DCST2: variants seen among roughly 807,000 people sequenced by gnomAD.
The protein encoded by DCST2 is DC-STAMP domain containing 2, also known as DC-STAMP domain-containing protein 2.
In DCST2, 64 loss-of-function variants were observed where a neutral mutation model predicts 81.8. That is an observed-to-expected ratio of 0.78 (90% CI 0.64 to 0.96). DCST2 has a LOEUF of 0.96. Among genes scored for constraint, DCST2 ranks in the 40% least tolerant of loss-of-function variants. The pLI is 0.00. For missense variants in DCST2, 945 were observed against 1,001.4 expected, an observed-to-expected ratio of 0.94 and a Z score of 0.76; for synonymous variants, 354 against 402.6, an observed-to-expected ratio of 0.88 and a Z score of 1.44.
In DCST2 at chr1:155,024,092, G is replaced by A. The variant is rs145477209; in HGVS notation, c.1743-133C>T. 373 of 1,296,638 alleles carry A rather than the reference G, an allele frequency of 2.9e-4. 1 individual carries two copies. The African/African-American group carries it at 4.9e-3, about 17-fold the overall frequency. The allele number at this position is 1,296,638 out of a possible 1,614,324, so 80.3% of individuals were successfully genotyped here. Reference sequence around the variant, plus strand: ...TACATCCTCCATCCCTCTGATTTCAGCAGCAACCTCTCCATGGCCCTGCCT... The same window carrying A: ...TACATCCTCCATCCCTCTGATTTCAACAGCAACCTCTCCATGGCCCTGCCT... On this transcript the variant is annotated intron_variant, in intron 11 of 14. Coordinates refer to ENST00000368424, the MANE Select transcript of DCST2 (RefSeq NM_144622.3).
chr1:155,023,929 G>T lies in DCST2; in HGVS notation c.1773C>A (p.His591Gln), dbSNP rs758992444. Residue 591 changes from histidine (H) to glutamine (Q), a missense_variant, in exon 12 of 15, where the codon CAC becomes CAA. Transcript: ENST00000368424. ...RCPCLGPFVS[H>Q]FWLHQAYCLG... ...GGCAGTAGGCCTGATGCAGCCAAAAGTGGCTGACAAATGGACCTAGGCAGG... is the reference window on the plus strand; with the variant it reads ...GGCAGTAGGCCTGATGCAGCCAAAATTGGCTGACAAATGGACCTAGGCAGG... 5 of 1,613,434 alleles carry T rather than the reference G, an allele frequency of 3.1e-6. No individual in the cohort carries two copies. The Admixed American group carries it at 8.3e-5, about 27-fold the overall frequency.
rs751391228 is a variant in DCST2, at chr1:155,031,236, T to TG, written c.740-3dup. ...GGATGACGCAGAACACCTGGACCAC[T>TG]GAGGGGCGGAGTCGGCTGAGTGTCG... is the stretch of plus-strand genomic sequence containing the variant. On this transcript the variant is annotated splice_polypyrimidine_tract_variant and splice_region_variant and intron_variant, in intron 4 of 14. Transcript: ENST00000368424. 1.7e-4 allele frequency: 273 copies of TG among 1,574,668 alleles called. No homozygotes were observed. The highest frequency in any genetic ancestry group is 1.9e-4 in the Non-Finnish European group (226 of 1,159,656).
At position 155,023,814 on chromosome 1, in the gene DCST2, C is replaced by A. The variant is rs373076565; in HGVS notation, c.1870+18G>T. On this transcript the variant is annotated intron_variant, in intron 12 of 14. Coordinates refer to ENST00000368424, the MANE Select transcript of DCST2 (RefSeq NM_144622.3). ...GTAAGTCCGAGCAGGGAGAGGCACA[C>A]GCCCCAGGGGGTCTCACCTTGGCAG... 1 of 1,612,280 alleles carries A rather than the reference C, an allele frequency of 6.2e-7. No individual in the cohort carries two copies. The highest frequency in any genetic ancestry group is 1.1e-5 in the South Asian group (1 of 90,736).
In DCST2 at chr1:155,026,624, T is replaced by A; in HGVS notation, c.1434A>T (p.Gln478His). ...GCCGGGACAAAATACTGATGTTGCC[T>A]TGCTGCAGGACATCAAATGCTGACA... ...DLVSAFDVLQ[Q>H]GNISILSRRC... Residue 478 changes from glutamine to histidine, a missense_variant, in exon 9 of 15, where the codon CAA becomes CAT. Gln to His is a conservative substitution (Grantham distance 24). Coordinates refer to ENST00000368424, the MANE Select transcript of DCST2 (RefSeq NM_144622.3). 1 of 1,614,230 alleles carries A rather than the reference T, an allele frequency of 6.2e-7. No individual in the cohort carries two copies. The highest frequency in any genetic ancestry group is 1.3e-5 in the African/African-American group (1 of 75,050).
intron 4 of DCST2, 107 bp downstream of exon 4, chr1:155,031,467 G>T: frequency 2.2e-6 from 2 of 909,144 alleles, no homozygotes; most frequent in Non-Finnish European, 3.1e-6. Context: ...CCTCTCTGTT[G>T]CCCTCTAATC....
chr1:155,020,736 C>A (rs1394199399), intron 14 of DCST2, among the ~76,000 whole-genome samples: 1 of 152,122 alleles, frequency 6.6e-6, no homozygotes, highest in Non-Finnish European at 1.5e-5. Context: ...TTCCCGATGC[C>A]ATGAAAAATA....
chr1:155,022,456 C>T (rs1659782041), intron 14 of DCST2, among the ~76,000 whole-genome samples: 1 of 152,300 alleles, frequency 6.6e-6, no homozygotes, highest in Admixed American at 6.5e-5. Flanking sequence ...GGCACCATGG[C>T]TCACACCTAT....
At chr1:155,029,971 G>T in intron 7 of DCST2, 113 bp downstream of exon 7, 1 of 1,489,750 alleles carries the variant, frequency 6.7e-7, no homozygotes, top group Non-Finnish European at 9.0e-7. Flanking sequence ...TCTGGCCCCT[G>T]CCCCAAGCCC....
chr1:155,030,624 C>G lies in DCST2; in HGVS notation c.827G>C (p.Arg276Pro). The change falls in exon 6 of 15, where the codon CGG (arginine) becomes CCG (proline). Residue 276 changes from arginine (R) to proline (P), a missense_variant. Coordinates refer to ENST00000368424, the MANE Select transcript of DCST2 (RefSeq NM_144622.3). ...IGTPVIQLLN[R>P]VRQEFEFNMT... The stretch of plus-strand genomic sequence containing the variant: ...GTTGAACTCAAACTCCTGACGCACC[C>G]GGTTGAGCAACTGAATCACGGCTGG... 1 of 1,614,028 alleles carries G rather than the reference C, an allele frequency of 6.2e-7. No individual in the cohort carries two copies. Among genetic ancestry groups the G allele is most frequent in the Non-Finnish European group, 8.5e-7 (1 of 1,180,030 alleles).
rs564132121 is a variant in DCST2 at position 155,031,169 on chromosome 1, G to A, written c.805C>T (p.Pro269Ser). ...TATGTGGCAGGAGGGGGTCACTCAC[G>A]GGTGCCGATGGTCTGGCGCAAGAAG... ...QPFLRQTIGT[P>S]VIQLLNRVRQ... Residue 269 changes from proline to serine, a missense_variant and splice_region_variant, in exon 5 of 15, where the codon CCC becomes TCC. Physicochemically the swap from Pro to Ser is moderately conservative, Grantham distance 74. Transcript: ENST00000368424. 1.1e-5 allele frequency: 18 copies of A among 1,589,088 alleles called. No homozygotes were observed. Among genetic ancestry groups the A allele is most frequent in the Admixed American group, 5.8e-5 (3 of 52,150 alleles).
Position 155,023,260 on chromosome 1 carries a change from G to A in DCST2, c.1965-3C>T, listed in dbSNP as rs1213187977. 6.2e-7 allele frequency: 1 copy of A among 1,614,088 alleles called. No individual in the cohort carries two copies. On this transcript the variant is annotated splice_region_variant and splice_polypyrimidine_tract_variant and intron_variant, in intron 13 of 14. Coordinates refer to ENST00000368424, the MANE Select transcript of DCST2 (RefSeq NM_144622.3). Reference sequence around the variant, plus strand: ...GGCCCTCCTCATCGCTGGAGTCCCTGGAGAAGACTCTCATCTCAGTGGCCT... The same window carrying A: ...GGCCCTCCTCATCGCTGGAGTCCCTAGAGAAGACTCTCATCTCAGTGGCCT...
intron 14 of DCST2, among the ~76,000 whole-genome samples, chr1:155,018,995 G>A (rs1239261671): frequency 6.6e-6 from 1 of 152,186 alleles, no homozygotes; most frequent in Non-Finnish European, 1.5e-5. Flanking sequence ...AGGAAGGGCA[G>A]AATCACTAGT....
intron 14 of DCST2, 35 bp downstream of exon 14, chr1:155,023,082 C>T (rs775019621): frequency 3.7e-6 from 6 of 1,601,040 alleles, no homozygotes; most frequent in Middle Eastern, 4.0e-4. Context: ...TTAGGACTCA[C>T]AATTCCCAGG....
intron 10 of DCST2, 99 bp downstream of exon 10, chr1:155,026,203 C>T: frequency 3.7e-6 from 4 of 1,095,736 alleles, no homozygotes; most frequent in Non-Finnish European, 5.4e-6. Flanking sequence ...CGGGCTGGGG[C>T]TGCTGAAGGA....
Position 155,033,711 on chromosome 1 carries a change from G to A in DCST2, c.-10C>T. Reference sequence around the variant, plus strand: ...TCATGACTTTGGGCATGGCTGCTGAGACCAAATGTCTGCCTGTCTCCAGGA... The same window carrying A: ...TCATGACTTTGGGCATGGCTGCTGAAACCAAATGTCTGCCTGTCTCCAGGA... On this transcript the variant is annotated 5_prime_UTR_variant, in exon 1 of 15. Coordinates refer to ENST00000368424, the MANE Select transcript of DCST2 (RefSeq NM_144622.3). 6.2e-7 allele frequency: 1 copy of A among 1,608,854 alleles called. No homozygotes were observed. Among genetic ancestry groups the A allele is most frequent in the Non-Finnish European group, 8.5e-7 (1 of 1,176,458 alleles).
intron 10 of DCST2, among the ~76,000 whole-genome samples, chr1:155,025,887 T>A (rs1659892606): frequency 6.6e-6 from 1 of 151,828 alleles, no homozygotes; most frequent in Non-Finnish European, 1.5e-5. Context: ...TCTTTTTTTT[T>A]TAATAGAGAC....
chr1:155,026,261 G>A (rs1159364369), intron 10 of DCST2, 41 bp downstream of exon 10: 1 of 1,593,186 alleles, frequency 6.3e-7, no homozygotes, highest in Non-Finnish European at 8.6e-7. Context: ...AAGCCCCCTG[G>A]GGAGGGGGCA....
intron 14 of DCST2, among the ~76,000 whole-genome samples, chr1:155,021,574 C>CA (rs1659758451): frequency 6.6e-6 from 1 of 151,932 alleles, no homozygotes; most frequent in African/African-American, 2.4e-5. Context: ...CTTAACCCCC[C>CA]AAAAATATAC....
intron 11 of DCST2, among the ~76,000 whole-genome samples, 193 bp from the exon 12 acceptor site, chr1:155,024,152 C>T (rs1318095213): frequency 6.6e-6 from 1 of 152,152 alleles, no homozygotes; most frequent in African/African-American, 2.4e-5. Flanking sequence ...CCTAAGAATT[C>T]CCACCTTACG....
Sources: gnomAD v4.1 joint callset for allele counts (sites outside exome capture counted in the v4.1 genomes callset) on GRCh38, gnomAD v4.1.1 for gene constraint, MANE v1.5 for transcripts, NCBI Gene and HGNC (gene_info 2026-07-23, HGNC 2026-07-21) for gene names.